EYS: variants seen among roughly 807,000 people sequenced by gnomAD.
EYS encodes the protein protein eyes shut homolog.
Under a neutral mutation model 282.1 loss-of-function variants are expected in EYS, and 250 were observed. The ratio of observed to expected loss-of-function variants is 0.89; its 90% CI spans 0.80 to 0.98. The LOEUF is 0.98. Among genes scored for constraint, EYS ranks in the 50% least tolerant of loss-of-function variants. The pLI, the probability that EYS is intolerant of heterozygous loss-of-function variation, is 0.00. For missense variants in EYS, 4,016 were observed against 3,709.0 expected (o/e 1.08, Z -2.15); for synonymous variants, 1,355 against 1,282.9 (o/e 1.06, Z -1.20).
intron 5 of EYS, among the ~76,000 whole-genome samples, chr6:65,437,831 T>C (rs1199858143): frequency 6.6e-6 from 1 of 151,432 alleles, no homozygotes; most frequent in Non-Finnish European, 1.5e-5. Context: ...AATTTAAACA[T>C]TCATATTTTG....
At chr6:64,387,851 G>C (rs1026040545) in intron 29 of EYS, among the ~76,000 whole-genome samples, 3 of 151,790 alleles carry the variant, frequency 2.0e-5, no homozygotes, top group African/African-American at 7.3e-5. Flanking sequence ...CGTCAATTTT[G>C]TTTTTATGTC....
At chr6:64,445,248 A>G (rs1002879614) in intron 26 of EYS, among the ~76,000 whole-genome samples, 3 of 152,210 alleles carry the variant, frequency 2.0e-5, no homozygotes, top group Admixed American at 6.5e-5. Flanking sequence ...AAAATTTTAA[A>G]CAGATGAGAA....
At chr6:63,774,000 T>G (rs1157628915) in intron 40 of EYS, among the ~76,000 whole-genome samples, 1 of 152,222 alleles carries the variant, frequency 6.6e-6, no homozygotes, top group East Asian at 1.9e-4. Flanking sequence ...AATGAGATTT[T>G]GTGATCACTG....
intron 36 of EYS, among the ~76,000 whole-genome samples, chr6:63,843,906 A>T (rs1461255619): frequency 1.3e-5 from 2 of 152,200 alleles, no homozygotes; most frequent in Non-Finnish European, 2.9e-5. Flanking sequence ...GGTTTGTTAC[A>T]TAGGTAAACA....
chr6:64,639,868 A>T (rs1768068453), intron 22 of EYS, among the ~76,000 whole-genome samples: 1 of 108,970 alleles, frequency 9.2e-6, no homozygotes, highest in Middle Eastern at 4.7e-3. Flanking sequence ...CAAATTGACA[A>T]GAAAAAGACA....
intron 31 of EYS, among the ~76,000 whole-genome samples, chr6:64,210,424 G>A (rs1265408261): frequency 6.6e-6 from 1 of 152,028 alleles, no homozygotes; most frequent in Non-Finnish European, 1.5e-5. Context: ...TTCTCTGTGA[G>A]CCTGTATCCG....
At chr6:65,033,592 T>C (rs1208606682) in intron 13 of EYS, among the ~76,000 whole-genome samples, 1 of 152,106 alleles carries the variant, frequency 6.6e-6, no homozygotes. Context: ...AAAACCTTGG[T>C]GGAATCCATA....
rs1214166572 is a variant in EYS at position 64,912,549 on chromosome 6, G to A, written c.2576C>T (p.Pro859Leu). The A allele has an allele frequency of 2.6e-6, 4 of 1,551,278 alleles. No individual in the cohort carries two copies. The highest frequency in any genetic ancestry group is 2.6e-6 in the Non-Finnish European group (3 of 1,146,642). The change falls in exon 16 of 43, where the codon CCT becomes CTT. Residue 859 changes from proline (P) to leucine (L), a missense_variant. By Grantham distance (98) the Pro-to-Leu change is moderately conservative. Transcript: ENST00000503581. ...RYNLCDLLHN[P>L]CRNNSTCLAL... ...TAAGCATGTTGAGTTGTTTCTGCAA[G>A]GGTTATGAAGTAGGTCACAAAGGTT...
chr6:64,611,324 C>G (rs1402758332), intron 24 of EYS, among the ~76,000 whole-genome samples: 2 of 152,166 alleles, frequency 1.3e-5, no homozygotes, highest in East Asian at 1.9e-4. Flanking sequence ...AGATACCTTT[C>G]TAATCCTTAG....
intron 41 of EYS, among the ~76,000 whole-genome samples, chr6:63,729,786 T>C (rs186837479): frequency 5.3e-5 from 8 of 152,316 alleles, no homozygotes; most frequent in Middle Eastern, 3.4e-3. Flanking sequence ...CCCTGTCTTA[T>C]AAATTTTATA....
In EYS at chr6:65,153,467, C is replaced by A. The variant is rs1196991598; in HGVS notation, c.2024-95740G>T. ...TGTGCAGCAATAGATAAATATTATGCCTATCTTCAAACATTATATGACATG... is the reference window on the plus strand; with the variant it reads ...TGTGCAGCAATAGATAAATATTATGACTATCTTCAAACATTATATGACATG... On this transcript the variant is annotated intron_variant, in intron 12 of 42. Transcript: ENST00000503581. Among the ~76,000 whole-genome samples the A allele has an allele frequency of 2.0e-5, 3 of 146,886 alleles. 1 individual carries two copies. Among genetic ancestry groups the A allele is most frequent in the Non-Finnish European group, 4.5e-5 (3 of 66,844 alleles).
chr6:64,389,662 C>G (rs991828844), intron 28 of EYS, among the ~76,000 whole-genome samples: 4 of 152,090 alleles, frequency 2.6e-5, no homozygotes, highest in Non-Finnish European at 5.9e-5. Context: ...ACTATCTAAC[C>G]CTTATAGAAA....
chr6:65,525,083 G>A (rs1482060416), intron 2 of EYS, among the ~76,000 whole-genome samples: 1 of 148,294 alleles, frequency 6.7e-6, no homozygotes, highest in African/African-American at 2.5e-5. Context: ...TTTACTTTAA[G>A]TTCTGGGATA....
chr6:64,008,464 A>C (rs1197285750), intron 33 of EYS, among the ~76,000 whole-genome samples: 3 of 152,174 alleles, frequency 2.0e-5, no homozygotes, highest in Non-Finnish European at 1.5e-5. Context: ...GCCTGTTTAC[A>C]TTCAAGATTA....
chr6:64,433,409 T>C (rs1003698493), intron 28 of EYS, among the ~76,000 whole-genome samples: 7 of 152,028 alleles, frequency 4.6e-5, no homozygotes, highest in South Asian at 4.1e-4. Context: ...TGACTTTTTT[T>C]CCCCAGGACT....
intron 5 of EYS, among the ~76,000 whole-genome samples, chr6:65,406,580 G>A (rs899488018): frequency 1.3e-5 from 2 of 152,074 alleles, no homozygotes; most frequent in South Asian, 4.1e-4. Context: ...ATCCATTTGA[G>A]TTTATTTTTT....
intron 23 of EYS, among the ~76,000 whole-genome samples, chr6:64,620,180 A>T (rs1056018877): frequency 4.6e-5 from 7 of 152,150 alleles, no homozygotes; most frequent in Non-Finnish European, 1.0e-4. Context: ...CACAGGTATG[A>T]CTTTCTGGAA....
chr6:64,263,333 C>T (rs929366884), intron 30 of EYS, among the ~76,000 whole-genome samples: 4 of 152,112 alleles, frequency 2.6e-5, no homozygotes, highest in South Asian at 2.1e-4. Flanking sequence ...CAAACTTCTG[C>T]GATATTAGTT....
chr6:64,945,987 G>T, intron 14 of EYS, 73 bp from the exon 15 acceptor site: 5 of 1,171,900 alleles, frequency 4.3e-6, no homozygotes, highest in South Asian at 2.2e-5. Context: ...TATTACTCCT[G>T]GCCATTTTGA....
Sources: allele counts gnomAD v4.1 joint callset (sites outside exome capture counted in the v4.1 genomes callset), GRCh38; gene constraint gnomAD v4.1.1; transcripts MANE v1.5; gene names NCBI Gene and HGNC (gene_info 2026-07-23, HGNC 2026-07-21).